SLC24A2: variants seen among roughly 807,000 people sequenced by gnomAD.
SLC24A2 encodes sodium/potassium/calcium exchanger 2.
Under a neutral mutation model 62.0 loss-of-function variants are expected in SLC24A2, and 36 were observed. That is an observed-to-expected ratio of 0.58 (90% confidence interval 0.44 to 0.77). The LOEUF (loss-of-function observed/expected upper bound fraction) is 0.77. Among genes scored for constraint, SLC24A2 ranks in the 30% least tolerant of loss-of-function variants. The pLI is 0.00. For synonymous variants in SLC24A2, 358 were observed against 294.0 expected (o/e 1.22, Z -2.23); for missense variants, 846 against 817.9 (o/e 1.03, Z -0.42).
the SLC24A2 span, among the ~76,000 whole-genome samples, chr9:20,159,121 G>C: frequency 6.6e-6 from 1 of 151,572 alleles, no homozygotes; most frequent in African/African-American, 2.4e-5. Flanking sequence ...CACAAGTCAA[G>C]ATTTATACCA....
At chr9:19,707,735 G>C (rs1481032367) in intron 2 of SLC24A2, among the ~76,000 whole-genome samples, 4 of 152,126 alleles carry the variant, frequency 2.6e-5, no homozygotes, top group Admixed American at 6.5e-5. Context: ...CAATAAATTA[G>C]GTATTGATGG....
At chr9:20,280,835 A>T in the SLC24A2 span, among the ~76,000 whole-genome samples, 1 of 152,216 alleles carries the variant, frequency 6.6e-6, no homozygotes, top group Admixed American at 6.5e-5. Flanking sequence ...ACAGACACAG[A>T]GGTGACAGCC....
chr9:20,003,576 C>T, the SLC24A2 span, among the ~76,000 whole-genome samples: 51 of 151,944 alleles, frequency 3.4e-4, no homozygotes, highest in Non-Finnish European at 5.7e-4. Context: ...TGTTCAAAAA[C>T]GGGGTATGAT....
chr9:19,861,714 T>C, the SLC24A2 span, among the ~76,000 whole-genome samples: 1 of 152,090 alleles, frequency 6.6e-6, no homozygotes, highest in Non-Finnish European at 1.5e-5. Context: ...CAGAATTCTA[T>C]CAGATACACT....
chr9:19,889,548 T>C, the SLC24A2 span, among the ~76,000 whole-genome samples: 1 of 152,182 alleles, frequency 6.6e-6, no homozygotes, highest in Non-Finnish European at 1.5e-5. Context: ...CTATTGTCTT[T>C]TCAGGGGTGA....
At chr9:19,873,460 T>C in the SLC24A2 span, among the ~76,000 whole-genome samples, 22 of 151,072 alleles carry the variant, frequency 1.5e-4, no homozygotes, top group South Asian at 4.2e-4. Context: ...TTTCTTTCTT[T>C]CTTTTTCTTT....
At chr9:20,223,815 T>A in the SLC24A2 span, among the ~76,000 whole-genome samples, 1 of 152,284 alleles carries the variant, frequency 6.6e-6, no homozygotes, top group East Asian at 1.9e-4. Context: ...TGTATTAGTC[T>A]GTTTTCACAC....
the SLC24A2 span, among the ~76,000 whole-genome samples, chr9:19,821,088 T>C: frequency 6.6e-6 from 1 of 152,084 alleles, no homozygotes; most frequent in Non-Finnish European, 1.5e-5. Context: ...TGAAGGATTG[T>C]TATGTAGGAG....
At chr9:20,143,066 G>A in the SLC24A2 span, among the ~76,000 whole-genome samples, 8 of 152,138 alleles carry the variant, frequency 5.3e-5, no homozygotes, top group African/African-American at 1.9e-4. Context: ...CCAATGAAGT[G>A]ACAGAGTCTG....
At position 19,566,817 on chromosome 9, in the gene SLC24A2, G is replaced by A. The variant is rs139065966; in HGVS notation, c.1347+6534C>T. On this transcript the variant is annotated intron_variant, in intron 7 of 10. Coordinates refer to ENST00000341998, the MANE Select transcript of SLC24A2 (RefSeq NM_020344.4). Reference sequence around the variant, plus strand: ...GAGTTCATGTCCTTTGTAGGGACACGGATGAAGCTGGAAACAATCATTCTC... The same window carrying A: ...GAGTTCATGTCCTTTGTAGGGACACAGATGAAGCTGGAAACAATCATTCTC... Among the ~76,000 whole-genome samples the A allele has an allele frequency of 1.7e-3, 264 of 152,228 alleles. 1 individual carries two copies. The highest frequency in any genetic ancestry group is 2.1e-3 in the East Asian group (11 of 5,184).
At chr9:19,765,359 T>G (rs57725447) in intron 2 of SLC24A2, among the ~76,000 whole-genome samples, 8 of 152,228 alleles carry the variant, frequency 5.3e-5, no homozygotes, top group African/African-American at 1.9e-4. Context: ...CTGGTTATTT[T>G]GCCCATTAGT....
At chr9:19,895,832 G>A in the SLC24A2 span, 104 of 1,605,430 alleles carry the variant, frequency 6.5e-5, no homozygotes, top group African/African-American at 9.4e-5. Flanking sequence ...TGGAAGGACC[G>A]CTCCTCAGGG....
At chr9:20,142,200 G>T in the SLC24A2 span, among the ~76,000 whole-genome samples, 1 of 152,182 alleles carries the variant, frequency 6.6e-6, no homozygotes, top group South Asian at 2.1e-4. Flanking sequence ...AAGGCTCTTC[G>T]AAGAGTTCTG....
chr9:19,840,114 G>C, the SLC24A2 span, among the ~76,000 whole-genome samples: 20 of 152,262 alleles, frequency 1.3e-4, no homozygotes, highest in South Asian at 4.1e-3. Context: ...AAAATCATGG[G>C]AACTTAAAGG....
chr9:19,570,999 G>A (rs997017899), intron 7 of SLC24A2, among the ~76,000 whole-genome samples: 3 of 152,198 alleles, frequency 2.0e-5, no homozygotes, highest in African/African-American at 7.2e-5. Flanking sequence ...TGCTCAGAGA[G>A]GGGTCATCTG....
the SLC24A2 span, among the ~76,000 whole-genome samples, chr9:20,164,785 C>G: frequency 4.6e-5 from 7 of 150,808 alleles, no homozygotes; most frequent in South Asian, 2.1e-4. Flanking sequence ...ACATATACAC[C>G]ATGGAATACT....
chr9:19,564,651 T>G (rs971582018), intron 7 of SLC24A2, among the ~76,000 whole-genome samples: 1 of 152,184 alleles, frequency 6.6e-6, no homozygotes, highest in Non-Finnish European at 1.5e-5. Flanking sequence ...GGGACAATTC[T>G]GATTTCCCTA....
At chr9:20,096,286 T>C in the SLC24A2 span, among the ~76,000 whole-genome samples, 1 of 152,180 alleles carries the variant, frequency 6.6e-6, no homozygotes, top group Non-Finnish European at 1.5e-5. Flanking sequence ...TCTCTTTTTA[T>C]TTACTTTAAC....
intron 2 of SLC24A2, among the ~76,000 whole-genome samples, chr9:19,731,174 G>A (rs576998038): frequency 1.3e-5 from 2 of 152,252 alleles, no homozygotes; most frequent in African/African-American, 4.8e-5. Flanking sequence ...AGGTGGTCTA[G>A]CTGGTGGAAA....
Sources: allele counts gnomAD v4.1 joint callset (sites outside exome capture counted in the v4.1 genomes callset), GRCh38; gene constraint gnomAD v4.1.1; transcripts MANE v1.5; gene names NCBI Gene and HGNC (gene_info 2026-07-23, HGNC 2026-07-21).